SP4: variants seen among roughly 807,000 people sequenced by gnomAD.
The protein encoded by SP4 is Sp4 transcription factor, also known as transcription factor Sp4.
In SP4, 19 loss-of-function variants were observed where a neutral mutation model predicts 72.8. The ratio of observed to expected loss-of-function variants is 0.26; its 90% CI spans 0.18 to 0.38. The LOEUF (loss-of-function observed/expected upper bound fraction) is 0.38. SP4 is among the 10% of genes least tolerant of loss of function. The pLI, the probability that SP4 is intolerant of heterozygous loss-of-function variation, is 1.00. For missense variants in SP4, 1,008 were observed against 926.3 expected (o/e 1.09, Z -1.14); for synonymous variants, 395 against 333.1 (o/e 1.19, Z -2.02).
chr7:21,470,696 T>A (rs780235270), intron 3 of SP4, among the ~76,000 whole-genome samples: 3 of 147,014 alleles, frequency 2.0e-5, no homozygotes, highest in Non-Finnish European at 3.0e-5. Context: ...GATGTCTTAC[T>A]ACCTACCAAC....
At chr7:21,501,556 T>C (rs992551256) in intron 5 of SP4, among the ~76,000 whole-genome samples, 18 of 152,210 alleles carry the variant, frequency 1.2e-4, no homozygotes, top group African/African-American at 4.1e-4. Flanking sequence ...CAAGGGTTAA[T>C]ACAAAAATCC....
intron 3 of SP4, among the ~76,000 whole-genome samples, chr7:21,461,602 C>T (rs975739860): frequency 6.6e-6 from 1 of 152,192 alleles, no homozygotes; most frequent in African/African-American, 2.4e-5. Context: ...CCGCGCGCAG[C>T]CCCGGTTGCC....
chr7:21,500,551 G>T (rs900104973), intron 5 of SP4, among the ~76,000 whole-genome samples: 2 of 152,114 alleles, frequency 1.3e-5, no homozygotes, highest in Non-Finnish European at 2.9e-5. Context: ...TTCCAAAGTC[G>T]TTTGAATTGT....
At chr7:21,494,591 A>G (rs933744474) in intron 5 of SP4, among the ~76,000 whole-genome samples, 1 of 152,130 alleles carries the variant, frequency 6.6e-6, no homozygotes, top group Non-Finnish European at 1.5e-5. Context: ...CAAGACATGT[A>G]AGCTAAAAAC....
chr7:21,440,484 T>G (rs971394972), intron 3 of SP4, among the ~76,000 whole-genome samples: 1 of 152,100 alleles, frequency 6.6e-6, no homozygotes, highest in Non-Finnish European at 1.5e-5. Context: ...AAGAGGAATT[T>G]CAGAAAGCTT....
At chr7:21,501,542 C>A (rs1276055783) in intron 5 of SP4, among the ~76,000 whole-genome samples, 1 of 152,190 alleles carries the variant, frequency 6.6e-6, no homozygotes, top group Non-Finnish European at 1.5e-5. Context: ...CTAGTCCCCC[C>A]ACACAAGGGT....
intron 5 of SP4, among the ~76,000 whole-genome samples, chr7:21,487,446 T>C (rs967508987): frequency 4.0e-5 from 6 of 151,682 alleles, no homozygotes; most frequent in African/African-American, 1.5e-4. Flanking sequence ...GTTTTTCTCT[T>C]ATATCTTTTG....
chr7:21,513,447 A>G lies in SP4; in HGVS notation c.*2178A>G, dbSNP rs1046516857. 3.9e-5 allele frequency: 6 copies of G among 152,778 alleles called. No homozygotes were observed. In the East Asian group the frequency reaches 9.6e-4, roughly 25 times the overall value. 9.5% of individuals were successfully genotyped at this position (152,778 alleles called of 1,614,324 possible). On this transcript the variant is annotated 3_prime_UTR_variant, in exon 6 of 6. Coordinates refer to ENST00000222584, the MANE Select transcript of SP4 (RefSeq NM_003112.5). ...CTTAACAACTGATGTATCTGGCTTTAAAACATCAGAATTGGTTTGTTGTTT... is the reference window on the plus strand; with the variant it reads ...CTTAACAACTGATGTATCTGGCTTTGAAACATCAGAATTGGTTTGTTGTTT...
intron 3 of SP4, among the ~76,000 whole-genome samples, chr7:21,434,596 A>G (rs1472798798): frequency 6.6e-6 from 1 of 152,058 alleles, no homozygotes; most frequent in African/African-American, 2.4e-5. Flanking sequence ...TTAACTTAAA[A>G]TTTTTTTACT....
chr7:21,450,749 T>C (rs979378051), intron 3 of SP4, among the ~76,000 whole-genome samples: 1 of 152,226 alleles, frequency 6.6e-6, no homozygotes, highest in Non-Finnish European at 1.5e-5. Flanking sequence ...GTTACTAGAA[T>C]TGCATGTCAT....
At chr7:21,494,345 ATCTT>A (rs1351857628) in intron 5 of SP4, among the ~76,000 whole-genome samples, 2 of 152,188 alleles carry the variant, frequency 1.3e-5, no homozygotes, top group Non-Finnish European at 2.9e-5. Flanking sequence ...AAATAAAACT[ATCTT>A]TATTTGCAGA....
intron 3 of SP4, among the ~76,000 whole-genome samples, chr7:21,460,382 G>GT (rs1783919632): frequency 6.6e-6 from 1 of 152,210 alleles, no homozygotes; most frequent in African/African-American, 2.4e-5. Flanking sequence ...GTCTGGAGTC[G>GT]TTTTTTCCTC....
intron 3 of SP4, among the ~76,000 whole-genome samples, chr7:21,441,723 T>C (rs1010938113): frequency 6.6e-6 from 1 of 152,118 alleles, no homozygotes. Context: ...GTGAAGTAAA[T>C]GGTTACTAAA....
intron 5 of SP4, among the ~76,000 whole-genome samples, chr7:21,504,099 A>G (rs1208633269): frequency 6.6e-6 from 1 of 151,910 alleles, no homozygotes. Flanking sequence ...TACATAGTCT[A>G]ATTTCTTCGT....
intron 4 of SP4, among the ~76,000 whole-genome samples, chr7:21,478,420 A>G (rs747084828): frequency 1.1e-4 from 16 of 152,194 alleles, no homozygotes; most frequent in Admixed American, 1.3e-4. Flanking sequence ...TTGTAATTCT[A>G]TGTTTAACCA....
chr7:21,433,959 A>G (rs1406802851), intron 3 of SP4, among the ~76,000 whole-genome samples: 1 of 151,910 alleles, frequency 6.6e-6, no homozygotes, highest in African/African-American at 2.4e-5. Context: ...AAAAAGAAAG[A>G]AAAAAAAGAC....
intron 3 of SP4, among the ~76,000 whole-genome samples, chr7:21,443,142 A>G (rs903801354): frequency 2.0e-5 from 3 of 152,182 alleles, no homozygotes; most frequent in Admixed American, 2.0e-4. Flanking sequence ...TTATATATGT[A>G]AGTATGTGTA....
chr7:21,500,739 A>T (rs547012087), intron 5 of SP4, among the ~76,000 whole-genome samples: 2 of 152,232 alleles, frequency 1.3e-5, no homozygotes, highest in South Asian at 4.2e-4. Flanking sequence ...AATCTCCCTG[A>T]TTCTAGCTAA....
rs542943140 is a variant in SP4 at position 21,485,866 on chromosome 7, GT to G, written c.2107+3745del. Among the ~76,000 whole-genome samples, 128 of 151,994 alleles carry G rather than the reference GT, an allele frequency of 8.4e-4. 4 individuals are homozygous for G. The South Asian group carries it at 0.026, about 30-fold the overall frequency. On this transcript the variant is annotated intron_variant, in intron 5 of 5. Coordinates refer to ENST00000222584, the MANE Select transcript of SP4 (RefSeq NM_003112.5). ...CATGAACAGTTTCTTCTGTAGACCT[GT>G]TCCAGGGGTATTATCTTGAGATTTC...
Sources: gnomAD v4.1 joint callset for allele counts (sites outside exome capture counted in the v4.1 genomes callset) on GRCh38, gnomAD v4.1.1 for gene constraint, MANE v1.5 for transcripts, NCBI Gene and HGNC (gene_info 2026-07-23, HGNC 2026-07-21) for gene names.